Variants in TKT observed in about 807,000 individuals in gnomAD.
TKT encodes epididymis luminal protein 107.
Under a neutral mutation model 63.9 loss-of-function variants are expected in TKT, and 47 were observed. That is an observed-to-expected ratio of 0.74 (90% CI 0.58 to 0.94). The LOEUF is 0.94. Ranked by LOEUF, TKT falls within the 40% of genes least tolerant of loss-of-function variation. The pLI, the probability that TKT is intolerant of heterozygous loss-of-function variation, is 0.00. For synonymous variants in TKT, 338 were observed against 334.1 expected, an observed-to-expected ratio of 1.01 and a Z score of -0.13; for missense variants, 721 against 846.2, an observed-to-expected ratio of 0.85 and a Z score of 1.84.
chr3:53,229,942 T>C (rs542154033), intron 8 of TKT, among the ~76,000 whole-genome samples: 1 of 152,278 alleles, frequency 6.6e-6, no homozygotes. Context: ...AGGGGATATT[T>C]TGAAAACATG....
At chr3:53,228,842 G>A (rs1489483029) in intron 10 of TKT, 165 bp downstream of exon 10, 2 of 945,000 alleles carry the variant, frequency 2.1e-6, no homozygotes, top group African/African-American at 3.3e-5. Flanking sequence ...TAAGTGGGGT[G>A]TGTATTTCGT....
At chr3:53,236,097 A>T (rs3773742) in intron 4 of TKT, among the ~76,000 whole-genome samples, 26,635 of 152,262 alleles carry the variant, frequency 0.17, 2,444 homozygotes, top group South Asian at 0.29. Context: ...CAGGCATGCA[A>T]GTAGGGTGAG....
intron 2 of TKT, among the ~76,000 whole-genome samples, chr3:53,241,648 T>C (rs1431307362): frequency 6.6e-6 from 1 of 152,152 alleles, no homozygotes; most frequent in Non-Finnish European, 1.5e-5. Context: ...CAGGGATCTG[T>C]GGCTGTGATT....
At chr3:53,241,334 G>T in intron 2 of TKT, 89 bp from the exon 3 acceptor site, 1 of 1,110,780 alleles carries the variant, frequency 9.0e-7, no homozygotes, top group Non-Finnish European at 1.3e-6. Flanking sequence ...CTGGGGCCCG[G>T]CCGAGCCGGC....
chr3:53,226,613 C>A, intron 13 of TKT, 143 bp downstream of exon 13: 4 of 1,240,604 alleles, frequency 3.2e-6, no homozygotes, highest in Admixed American at 2.1e-5. Flanking sequence ...TTTTAAGAGA[C>A]CACGTCCCAG....
At chr3:53,239,591 T>C (rs2106698555) in intron 4 of TKT, among the ~76,000 whole-genome samples, 1 of 151,930 alleles carries the variant, frequency 6.6e-6, no homozygotes, top group South Asian at 2.1e-4. Context: ...TACAACCTCA[T>C]CCCCCCAGGC....
intron 1 of TKT, among the ~76,000 whole-genome samples, chr3:53,243,917 C>T (rs1361939934): frequency 3.3e-5 from 5 of 152,210 alleles, no homozygotes; most frequent in Non-Finnish European, 5.9e-5. Context: ...AGAACAAGGA[C>T]GGTAAGTGCA....
intron 4 of TKT, among the ~76,000 whole-genome samples, chr3:53,235,990 G>C (rs139441687): frequency 1.9e-4 from 7 of 36,744 alleles, no homozygotes; most frequent in African/African-American, 4.1e-4. Flanking sequence ...GGCAGCAACA[G>C]ACAGGACTTG....
intron 1 of TKT, chr3:53,243,596 TC>T (rs1207474034): frequency 8.8e-6 from 4 of 456,606 alleles, no homozygotes; most frequent in African/African-American, 8.0e-5. Context: ...TTCTATGAAC[TC>T]CCGGTCATGG....
At chr3:53,229,838 T>A (rs1704665346) in intron 8 of TKT, among the ~76,000 whole-genome samples, 1 of 152,036 alleles carries the variant, frequency 6.6e-6, no homozygotes, top group East Asian at 1.9e-4. Flanking sequence ...CAGGTCCAGT[T>A]GGAAGAACTC....
intron 1 of TKT, among the ~76,000 whole-genome samples, chr3:53,249,956 A>AG (rs1705677977): frequency 6.6e-6 from 1 of 152,228 alleles, no homozygotes; most frequent in South Asian, 2.1e-4. Flanking sequence ...ATGAATGTTG[A>AG]GGGGTCAGAG....
Position 53,233,012 on chromosome 3 carries a change from C to T in TKT, c.748+144G>A. Reference sequence around the variant, plus strand: ...CTCAGCCACAGGGGTCACTGAGTCACAGCATCTCCCGCTCCCCTTCCCTGG... The same window carrying T: ...CTCAGCCACAGGGGTCACTGAGTCATAGCATCTCCCGCTCCCCTTCCCTGG... On this transcript the variant is annotated intron_variant, in intron 6 of 13. Transcript: ENST00000462138. 8 of 699,530 alleles carry T rather than the reference C, an allele frequency of 1.1e-5. No individual in the cohort carries two copies. In the South Asian group the frequency reaches 1.4e-4, roughly 13 times the overall value. 43.3% of individuals were successfully genotyped at this position (699,530 alleles called of 1,614,324 possible).
intron 4 of TKT, among the ~76,000 whole-genome samples, chr3:53,236,050 G>A (rs1182476821): frequency 6.6e-6 from 1 of 152,248 alleles, no homozygotes; most frequent in Non-Finnish European, 1.5e-5. Context: ...TCAAACGCAG[G>A]TCTGACTGTA....
At position 53,231,406 on chromosome 3, in the gene TKT, A is replaced by G. The variant is rs1553676987; in HGVS notation, c.893T>C (p.Ile298Thr). 1.2e-6 allele frequency: 2 copies of G among 1,614,030 alleles called. No individual in the cohort carries two copies. Among genetic ancestry groups the G allele is most frequent in the East Asian group, 2.2e-5 (1 of 44,884 alleles). Residue 298 changes from isoleucine to threonine, a missense_variant, in exon 7 of 14, where the codon ATT becomes ACT. Physicochemically the swap from Ile to Thr is moderately conservative, Grantham distance 89 (BLOSUM62 -1). Transcript: ENST00000462138. ...CAGGCTGGGCATGCGGATGTTGGCA[A>G]TGTCCACTGAGGGTGCGTCCTCCTG... ...PPQEDAPSVD[I>T]ANIRMPSLPS...
At chr3:53,228,903 G>A in intron 10 of TKT, 104 bp downstream of exon 10, 1 of 1,512,208 alleles carries the variant, frequency 6.6e-7, no homozygotes, top group Non-Finnish European at 8.9e-7. Flanking sequence ...GGCAAGGTCA[G>A]GAAACACCCC....
chr3:53,240,241 G>C lies in TKT; in HGVS notation c.437+10C>G. The stretch of plus-strand genomic sequence containing the variant: ...CTACCCAGGTTGGGGGTGGGGAGTA[G>C]GTGTGTTACCTGGCCTTGTCGAAGT... On this transcript the variant is annotated intron_variant, in intron 4 of 13. Coordinates refer to ENST00000462138, the MANE Select transcript of TKT (RefSeq NM_001064.4). 6.2e-7 allele frequency: 1 copy of C among 1,608,960 alleles called. No individual in the cohort carries two copies. The highest frequency in any genetic ancestry group is 8.5e-7 in the Non-Finnish European group (1 of 1,176,108).
At chr3:53,229,621 C>G (rs539848358) in intron 8 of TKT, among the ~76,000 whole-genome samples, 185 bp from the exon 9 acceptor site, 1 of 152,152 alleles carries the variant, frequency 6.6e-6, no homozygotes, top group Non-Finnish European at 1.5e-5. Flanking sequence ...CCCTGGGGTC[C>G]GAGGGCAGCA....
At chr3:53,231,160 G>T (rs1372089683) in intron 7 of TKT, among the ~76,000 whole-genome samples, 197 bp downstream of exon 7, 1 of 152,174 alleles carries the variant, frequency 6.6e-6, no homozygotes, top group Non-Finnish European at 1.5e-5. Context: ...TCCCTTGCCC[G>T]GTCTGAGCCT....
chr3:53,234,900 T>TCCTGCA (rs782269314), intron 5 of TKT, 83 bp downstream of exon 5: 90 of 1,408,980 alleles, frequency 6.4e-5, no homozygotes, highest in South Asian at 5.4e-4. Context: ...CAGCTTCAGC[T>TCCTGCA]CCTGCACCTG....
Sources: allele counts gnomAD v4.1 joint callset (sites outside exome capture counted in the v4.1 genomes callset), GRCh38; gene constraint gnomAD v4.1.1; transcripts MANE v1.5; gene names NCBI Gene and HGNC (gene_info 2026-07-23, HGNC 2026-07-21).